The following RSU1 variants were observed in gnomAD, a reference collection of about 807,000 sequenced individuals.
RSU1 encodes the protein Ras suppressor protein 1, also known as rsu-1.
In RSU1, 26 loss-of-function variants were observed where a neutral mutation model predicts 31.1. The ratio of observed to expected loss-of-function variants is 0.84; its 90% CI spans 0.61 to 1.16. The LOEUF is 1.16. RSU1 is among the 50% of genes most tolerant of loss of function. RSU1 has a pLI of 0.00. For synonymous variants in RSU1, 164 were observed against 136.3 expected (o/e 1.20, Z -1.41); for missense variants, 320 against 339.1 (o/e 0.94, Z 0.44).
At chr10:16,704,222 G>A (rs1270742693) in intron 7 of RSU1, among the ~76,000 whole-genome samples, 1 of 152,118 alleles carries the variant, frequency 6.6e-6, no homozygotes, top group Admixed American at 6.5e-5. Context: ...ACCAACTGGA[G>A]AATCATCATT....
At chr10:16,699,823 C>T (rs1024126775) in intron 7 of RSU1, among the ~76,000 whole-genome samples, 2 of 152,202 alleles carry the variant, frequency 1.3e-5, no homozygotes, top group African/African-American at 2.4e-5. Flanking sequence ...ACCCTCTGAC[C>T]GATGCTGCTA....
intron 7 of RSU1, among the ~76,000 whole-genome samples, chr10:16,699,051 T>A (rs1346257886): frequency 6.6e-6 from 1 of 152,232 alleles, no homozygotes; most frequent in East Asian, 1.9e-4. Context: ...AAGCTTCTTG[T>A]ATGATGTTGG....
intron 8 of RSU1, among the ~76,000 whole-genome samples, chr10:16,597,118 A>G (rs1450038987): frequency 6.6e-6 from 1 of 152,196 alleles, no homozygotes; most frequent in Non-Finnish European, 1.5e-5. Flanking sequence ...CTTGGCAATG[A>G]TAAGAGGTCA....
rs4012467 is a variant in RSU1 at position 16,683,160 on chromosome 10, GGTGTGTGTGTGTGT to G, written c.731+11849_731+11862del. Among the ~76,000 whole-genome samples the G allele has an allele frequency of 1.3e-4, 19 of 143,450 alleles. 1 individual carries two copies. Among genetic ancestry groups the G allele is most frequent in the South Asian group, 1.1e-3 (5 of 4,428 alleles). The allele number at this position is 143,450 out of a possible 152,430, so 94.1% of individuals were successfully genotyped here. On this transcript the variant is annotated intron_variant, in intron 8 of 8. Transcript: ENST00000345264. ...AGCCTTAAGAGAGGAATGGGTGTGT[GGTGTGTGTGTGTGT>G]GTGTGTGTGTTGTGGTAGGGGTGTG...
At chr10:16,705,091 C>A (rs1835869226) in intron 7 of RSU1, among the ~76,000 whole-genome samples, 1 of 152,106 alleles carries the variant, frequency 6.6e-6, no homozygotes, top group South Asian at 2.1e-4. Flanking sequence ...TTTGACTGTT[C>A]TAAGTATCTC....
At chr10:16,770,138 G>A (rs1837394142) in intron 3 of RSU1, among the ~76,000 whole-genome samples, 1 of 152,036 alleles carries the variant, frequency 6.6e-6, no homozygotes, top group Admixed American at 6.6e-5. Flanking sequence ...GATCGGCTTG[G>A]GTGCAGCTGA....
At chr10:16,692,156 T>C (rs1201794796) in intron 8 of RSU1, among the ~76,000 whole-genome samples, 2 of 152,196 alleles carry the variant, frequency 1.3e-5, no homozygotes, top group African/African-American at 4.8e-5. Context: ...TTGCTTAGAC[T>C]ACGCCAACCC....
At chr10:16,662,880 A>C (rs1362744767) in intron 8 of RSU1, among the ~76,000 whole-genome samples, 1 of 152,066 alleles carries the variant, frequency 6.6e-6, no homozygotes, top group Non-Finnish European at 1.5e-5. Context: ...TATTCTGTGA[A>C]GTTAAAGATA....
chr10:16,783,754 C>A (rs549573287), intron 2 of RSU1, among the ~76,000 whole-genome samples: 86 of 152,090 alleles, frequency 5.7e-4, no homozygotes, highest in Middle Eastern at 6.8e-3. Context: ...CCAGCTTGAA[C>A]CACTGAGATT....
At chr10:16,792,163 C>G (rs1432962136) in intron 2 of RSU1, among the ~76,000 whole-genome samples, 2 of 152,188 alleles carry the variant, frequency 1.3e-5, no homozygotes, top group Admixed American at 1.3e-4. Context: ...ACTGCAATCA[C>G]CAGTTCAGCT....
chr10:16,716,023 C>T (rs1244130789), intron 7 of RSU1, among the ~76,000 whole-genome samples: 2 of 152,198 alleles, frequency 1.3e-5, no homozygotes, highest in Non-Finnish European at 2.9e-5. Flanking sequence ...AATTTATTTA[C>T]ACAGTCTTTA....
At chr10:16,661,474 T>C (rs139404450) in intron 8 of RSU1, among the ~76,000 whole-genome samples, 14 of 152,328 alleles carry the variant, frequency 9.2e-5, no homozygotes, top group South Asian at 2.1e-4. Flanking sequence ...CTACATTTTT[T>C]AAATGTAGTT....
intron 7 of RSU1, among the ~76,000 whole-genome samples, chr10:16,740,042 G>T (rs1311571144): frequency 1.3e-5 from 2 of 152,100 alleles, no homozygotes; most frequent in South Asian, 2.1e-4. Context: ...AGACCCAGAT[G>T]GCGTCAATAA....
chr10:16,636,832 T>G (rs1834351412), intron 8 of RSU1, among the ~76,000 whole-genome samples: 1 of 152,156 alleles, frequency 6.6e-6, no homozygotes, highest in Non-Finnish European at 1.5e-5. Flanking sequence ...CCGCTATAAC[T>G]GCGCAATCTC....
intron 8 of RSU1, among the ~76,000 whole-genome samples, chr10:16,680,073 G>A (rs1835301850): frequency 6.6e-6 from 1 of 151,706 alleles, no homozygotes; most frequent in Non-Finnish European, 1.5e-5. Context: ...GTAGAGATGG[G>A]GTTTCACCAT....
chr10:16,662,990 C>CA (rs1834916657), intron 8 of RSU1, among the ~76,000 whole-genome samples: 1 of 137,682 alleles, frequency 7.3e-6, no homozygotes, highest in African/African-American at 2.7e-5. Flanking sequence ...AAAAAAAAAA[C>CA]CCTCTAAGTT....
At chr10:16,639,172 G>A (rs1834397252) in intron 8 of RSU1, among the ~76,000 whole-genome samples, 1 of 152,174 alleles carries the variant, frequency 6.6e-6, no homozygotes, top group Non-Finnish European at 1.5e-5. Flanking sequence ...AAACACCACT[G>A]CTAATAAAAC....
intron 5 of RSU1, among the ~76,000 whole-genome samples, chr10:16,754,470 A>G (rs1363715243): frequency 6.6e-6 from 1 of 152,132 alleles, no homozygotes; most frequent in East Asian, 1.9e-4. Context: ...TTATTAATAA[A>G]TATTTTTAAT....
intron 8 of RSU1, among the ~76,000 whole-genome samples, chr10:16,674,825 G>C (rs1835195374): frequency 6.6e-6 from 1 of 152,198 alleles, no homozygotes; most frequent in Admixed American, 6.5e-5. Flanking sequence ...TGAGACTCAG[G>C]AGTTCGAGAC....
Sources: gnomAD v4.1 joint callset for allele counts (sites outside exome capture counted in the v4.1 genomes callset) on GRCh38, gnomAD v4.1.1 for gene constraint, MANE v1.5 for transcripts, NCBI Gene and HGNC (gene_info 2026-07-23, HGNC 2026-07-21) for gene names.